CSMD1: variants seen among roughly 807,000 people sequenced by gnomAD.
CSMD1 encodes the protein CUB and sushi domain-containing protein 1.
In CSMD1, 213 loss-of-function variants were observed where a neutral mutation model predicts 417.5. The ratio of observed to expected loss-of-function variants is 0.51; its 90% confidence interval spans 0.46 to 0.57. The LOEUF (loss-of-function observed/expected upper bound fraction) is 0.57. Ranked by LOEUF, CSMD1 falls within the 20% of genes least tolerant of loss-of-function variation. The pLI is 0.00. For missense variants in CSMD1, 6,923 were observed against 4,529.7 expected, an observed-to-expected ratio of 1.53 and a Z score of -15.17; for synonymous variants, 2,862 against 1,736.8, an observed-to-expected ratio of 1.65 and a Z score of -16.11.
intron 1 of CSMD1, among the ~76,000 whole-genome samples, chr8:4,780,138 G>C (rs1797077592): frequency 6.6e-6 from 1 of 152,164 alleles, no homozygotes; most frequent in Non-Finnish European, 1.5e-5. Flanking sequence ...TCACAGACTT[G>C]TGCCATAATT....
intron 26 of CSMD1, among the ~76,000 whole-genome samples, chr8:3,272,278 C>T (rs1275443774): frequency 6.9e-6 from 1 of 144,382 alleles, no homozygotes; most frequent in Admixed American, 7.1e-5. Context: ...CTGTTCTATT[C>T]CATTGATCTA....
chr8:4,347,102 T>A (rs1800817145), intron 3 of CSMD1, among the ~76,000 whole-genome samples: 1 of 152,184 alleles, frequency 6.6e-6, no homozygotes, highest in Non-Finnish European at 1.5e-5. Flanking sequence ...CCTCAGAAGT[T>A]ACTTTTTCTC....
chr8:3,043,667 T>C (rs1811254273), intron 50 of CSMD1: 1 of 152,164 alleles, frequency 6.6e-6, no homozygotes, highest in Non-Finnish European at 1.5e-5. Context: ...GGGGTTTTTT[T>C]CATGCAAAAA....
intron 3 of CSMD1, among the ~76,000 whole-genome samples, chr8:4,151,455 G>T (rs970988304): frequency 3.3e-5 from 5 of 152,106 alleles, no homozygotes; most frequent in African/African-American, 4.8e-5. Context: ...ATAAGATATT[G>T]AATCACCCAT....
At chr8:4,926,109 A>G (rs1806851784) in intron 1 of CSMD1, among the ~76,000 whole-genome samples, 1 of 152,234 alleles carries the variant, frequency 6.6e-6, no homozygotes, top group Admixed American at 6.5e-5. Flanking sequence ...TTAAAAGAAC[A>G]TATTTTATCA....
chr8:4,157,921 G>C (rs1282451747), intron 3 of CSMD1, among the ~76,000 whole-genome samples: 1 of 152,116 alleles, frequency 6.6e-6, no homozygotes, highest in African/African-American at 2.4e-5. Context: ...TTGTCCCTGA[G>C]GTTAAGCAAG....
chr8:3,219,337 T>G lies in CSMD1; in HGVS notation c.4590A>C (p.Ile1530=). 4 of 1,581,638 alleles carry G rather than the reference T, an allele frequency of 2.5e-6. No individual in the cohort carries two copies. The highest frequency in any genetic ancestry group is 3.4e-6 in the Non-Finnish European group (4 of 1,162,794). ...GAAACAGGCTGTTTCCGCTACTCTC[T>G]ATTCTTTCTGGGGCCTGAGAGCCCT... ...SYQGSQAPER[I]ESSGNSLFLA... is the part of the protein sequence containing the mutation. Residue 1530 remains isoleucine, a synonymous_variant, in exon 29 of 70, where the codon ATA becomes ATC. Coordinates refer to ENST00000635120, the MANE Select transcript of CSMD1 (RefSeq NM_033225.6).
Position 3,029,275 on chromosome 8 carries a change from T to C in CSMD1, c.7855+44A>G, listed in dbSNP as rs778921996. 21 of 1,521,238 alleles carry C rather than the reference T, an allele frequency of 1.4e-5. No homozygotes were observed. In the African/African-American group the frequency reaches 2.7e-4, roughly 19 times the overall value. 94.2% of individuals were successfully genotyped at this position (1,521,238 alleles called of 1,614,324 possible). ...CACTGACATAAGCCATCTAGAATAATCTAGGATGCCGTGACTTTCAGGGGT... is the reference window on the plus strand; with the variant it reads ...CACTGACATAAGCCATCTAGAATAACCTAGGATGCCGTGACTTTCAGGGGT... On this transcript the variant is annotated intron_variant, in intron 51 of 69. Coordinates refer to ENST00000635120, the MANE Select transcript of CSMD1 (RefSeq NM_033225.6).
chr8:4,828,940 A>T (rs1799979656), intron 1 of CSMD1, among the ~76,000 whole-genome samples: 2 of 152,104 alleles, frequency 1.3e-5, no homozygotes, highest in South Asian at 4.1e-4. Context: ...CCATCCCCAA[A>T]CCATAGAGCT....
chr8:3,519,574 T>C lies in CSMD1; in HGVS notation c.1345-25848A>G, dbSNP rs28688278. Among the ~76,000 whole-genome samples the C allele has an allele frequency of 1.7e-3, 259 of 152,174 alleles. 1 individual carries two copies. The highest frequency in any genetic ancestry group is 5.9e-3 in the African/African-American group (245 of 41,514). On this transcript the variant is annotated intron_variant, in intron 10 of 69. Transcript: ENST00000635120. ...CCCGCCATGAGGACCAATGAGTACC[T>C]TGGTAGAGACTACCTTCAAATCAGA...
chr8:4,246,743 A>G (rs1053769897), intron 3 of CSMD1, among the ~76,000 whole-genome samples: 1 of 152,170 alleles, frequency 6.6e-6, no homozygotes, highest in Non-Finnish European at 1.5e-5. Flanking sequence ...GTATTTATTT[A>G]AATAAAGAAA....
intron 3 of CSMD1, among the ~76,000 whole-genome samples, chr8:4,262,066 AT>A (rs1477767849): frequency 5.3e-5 from 8 of 152,106 alleles, no homozygotes; most frequent in East Asian, 3.9e-4. Flanking sequence ...ATTTACCTTG[AT>A]TTTTTTTAAC....
intron 49 of CSMD1, among the ~76,000 whole-genome samples, chr8:3,062,110 C>T (rs978588175): frequency 6.6e-6 from 1 of 152,138 alleles, no homozygotes; most frequent in Admixed American, 6.6e-5. Flanking sequence ...ATACAAAGGC[C>T]ACATTGAATT....
chr8:4,168,428 A>G (rs550016347), intron 3 of CSMD1, among the ~76,000 whole-genome samples: 4 of 152,138 alleles, frequency 2.6e-5, no homozygotes, highest in South Asian at 2.1e-4. Context: ...TTTATTTTTT[A>G]TATTTTAGTA....
intron 10 of CSMD1, among the ~76,000 whole-genome samples, chr8:3,528,749 G>T (rs1797858151): frequency 6.6e-6 from 1 of 152,160 alleles, no homozygotes; most frequent in Non-Finnish European, 1.5e-5. Flanking sequence ...TCCAATTGCT[G>T]AGACTATTAA....
At chr8:3,139,508 C>T (rs1818305447) in intron 41 of CSMD1, among the ~76,000 whole-genome samples, 1 of 152,136 alleles carries the variant, frequency 6.6e-6, no homozygotes. Flanking sequence ...ACATTAACAT[C>T]TCCTGCAATA....
At chr8:3,497,765 G>A (rs1286174631) in intron 10 of CSMD1, among the ~76,000 whole-genome samples, 2 of 152,120 alleles carry the variant, frequency 1.3e-5, no homozygotes, top group Non-Finnish European at 2.9e-5. Flanking sequence ...GGTTATTTCT[G>A]TTCTGGTTGT....
chr8:4,160,804 C>T (rs568084680), intron 3 of CSMD1, among the ~76,000 whole-genome samples: 1 of 152,314 alleles, frequency 6.6e-6, no homozygotes, highest in African/African-American at 2.4e-5. Context: ...AGGTGGTGTA[C>T]TGTAAATATC....
chr8:2,937,998 G>A lies in CSMD1; in HGVS notation c.*587C>T, dbSNP rs1036549469. On this transcript the variant is annotated 3_prime_UTR_variant, in exon 70 of 70. Transcript: ENST00000635120. ...CTGGGAAATTGCAAACATCCCTAGAGATGAACACACAGGGGAGCTGTGAGG... is the reference window on the plus strand; with the variant it reads ...CTGGGAAATTGCAAACATCCCTAGAAATGAACACACAGGGGAGCTGTGAGG... 2.6e-5 allele frequency: 4 copies of A among 152,686 alleles called. No homozygotes were observed. The highest frequency in any genetic ancestry group is 5.9e-5 in the Non-Finnish European group (4 of 68,092). 9.5% of individuals were successfully genotyped at this position (152,686 alleles called of 1,614,324 possible). A position where few individuals can be genotyped will look rare whatever the true frequency, so the allele number is the denominator to read the frequency against.
Sources: gnomAD v4.1 joint callset for allele counts (sites outside exome capture counted in the v4.1 genomes callset) on GRCh38, gnomAD v4.1.1 for gene constraint, MANE v1.5 for transcripts, NCBI Gene and HGNC (gene_info 2026-07-23, HGNC 2026-07-21) for gene names.